Variants in AKT2 observed in about 807,000 individuals in gnomAD.
AKT2 encodes AKT serine/threonine kinase 2, also known as RAC-beta serine/threonine-protein kinase.
A neutral mutation model predicts 58.6 loss-of-function variants in AKT2; 16 were observed. The observed-to-expected ratio is 0.27, with a 90% CI of 0.18 to 0.41. The LOEUF is 0.41. AKT2 is among the 10% of genes least tolerant of loss of function. The probability of loss-of-function intolerance (pLI) is 1.00; values close to 1 mark genes in which losing one functional copy is unlikely to be tolerated. For missense variants in AKT2, 438 were observed against 661.0 expected (o/e 0.66, Z 3.70); for synonymous variants, 253 against 254.0 (o/e 1.00, Z 0.04).
In AKT2 at chr19:40,240,049, A is replaced by G. The variant is rs1175170174; in HGVS notation, c.635T>C (p.Leu212Pro). ...RVLQNTRHPF[L>P]TALKYAFQTH... ...GGGAAGGGGAGGGCAACTCACAGTG[A>G]GGAACGGGTGCCTGGTGTTCTGGAG... Residue 212 changes from leucine (L) to proline (P), a missense_variant, in exon 7 of 14, where the codon CTC becomes CCC. Transcript: ENST00000392038. 6.2e-7 allele frequency: 1 copy of G among 1,613,924 alleles called. No homozygotes were observed. Among genetic ancestry groups the G allele is most frequent in the Middle Eastern group, 1.6e-4 (1 of 6,062 alleles).
chr19:40,246,498 AT>A (rs1974761420), intron 4 of AKT2, among the ~76,000 whole-genome samples: 1 of 152,164 alleles, frequency 6.6e-6, no homozygotes, highest in African/African-American at 2.4e-5. Context: ...CTCTGAGTAA[AT>A]GATGGCGGAT....
rs1237025426 is a variant in AKT2 at position 40,230,680 on chromosome 19, T to C, written c.*3192A>G. ...CTCGGGTGAATTTCCTTTCTTATAC[T>C]CCTGCTTTGCTGTCTTTTTTAATAG... On this transcript the variant is annotated 3_prime_UTR_variant, in exon 14 of 14. Coordinates refer to ENST00000392038, the MANE Select transcript of AKT2 (RefSeq NM_001626.6). 1.4e-5 allele frequency: 3 copies of C among 220,504 alleles called. No individual in the cohort carries two copies. Among genetic ancestry groups the C allele is most frequent in the Non-Finnish European group, 2.7e-5 (3 of 110,212 alleles). 13.7% of individuals were successfully genotyped at this position (220,504 alleles called of 1,614,324 possible).
chr19:40,273,129 G>A (rs2077245963), intron 1 of AKT2, among the ~76,000 whole-genome samples: 1 of 152,096 alleles, frequency 6.6e-6, no homozygotes, highest in Non-Finnish European at 1.5e-5. Context: ...AAATCACAAG[G>A]TCAGGAGGTC....
At chr19:40,256,107 G>A (rs1439852119) in intron 3 of AKT2, among the ~76,000 whole-genome samples, 1 of 152,180 alleles carries the variant, frequency 6.6e-6, no homozygotes, top group African/African-American at 2.4e-5. Flanking sequence ...GAAGACACTT[G>A]GGGAGATGTG....
chr19:40,242,086 G>C lies in AKT2; in HGVS notation c.442-17C>G. On this transcript the variant is annotated splice_polypyrimidine_tract_variant and intron_variant, in intron 5 of 13. Coordinates refer to ENST00000392038, the MANE Select transcript of AKT2 (RefSeq NM_001626.6). This position sits in a 1 kb window ranked among gnomAD's most constrained non-coding sequence, Gnocchi z 4.3. ...ATTCATGGTCTGCCAGGGACAGGGA[G>C]AGTGGGGGCAGTCAGCGCCTGGCTC... is the stretch of plus-strand genomic sequence containing the variant. 1 of 1,614,140 alleles carries C rather than the reference G, an allele frequency of 6.2e-7. No individual in the cohort carries two copies. The highest frequency in any genetic ancestry group is 8.5e-7 in the Non-Finnish European group (1 of 1,180,024).
Position 40,242,210 on chromosome 19 carries a change from G to T in AKT2, c.442-141C>A. The T allele has an allele frequency of 8.0e-7, 1 of 1,256,784 alleles. No homozygotes were observed. Among genetic ancestry groups the T allele is most frequent in the Non-Finnish European group, 1.1e-6 (1 of 888,346 alleles). 77.9% of individuals were successfully genotyped at this position (1,256,784 alleles called of 1,614,324 possible). ...GGAGCAGGAAGGGAGGCTCTGGGCA[G>T]CAACTGTGTGTTCTGAAGCGGCCTT... On this transcript the variant is annotated intron_variant, in intron 5 of 13. Coordinates refer to ENST00000392038, the MANE Select transcript of AKT2 (RefSeq NM_001626.6). This position sits in a 1 kb window ranked among gnomAD's most constrained non-coding sequence, Gnocchi z 4.3.
At chr19:40,250,265 G>A (rs967837565) in intron 4 of AKT2, among the ~76,000 whole-genome samples, 1 of 152,088 alleles carries the variant, frequency 6.6e-6, no homozygotes, top group African/African-American at 2.4e-5. Flanking sequence ...CATTTTGGGA[G>A]GCCGAGGCGG....
intron 1 of AKT2, chr19:40,283,012 AC>A (rs2077451558): frequency 6.3e-6 from 1 of 159,082 alleles, no homozygotes; most frequent in African/African-American, 2.4e-5. Context: ...CACACTTCTA[AC>A]TAGCTCGTAG....
intron 1 of AKT2, chr19:40,279,287 A>C (rs892817365): frequency 6.6e-6 from 1 of 152,458 alleles, no homozygotes; most frequent in African/African-American, 2.4e-5. Flanking sequence ...GTCCTGCCCC[A>C]AGGGGGCCAG....
At chr19:40,282,889 G>A (rs1182781092) in intron 1 of AKT2, 2 of 184,200 alleles carry the variant, frequency 1.1e-5, no homozygotes, top group Non-Finnish European at 2.3e-5. Flanking sequence ...ACGATCTGAG[G>A]CCAAGGTTGG....
intron 9 of AKT2, chr19:40,236,997 G>C (rs1028493730): frequency 1.1e-5 from 2 of 177,644 alleles, no homozygotes; most frequent in Non-Finnish European, 2.4e-5. Flanking sequence ...TCCCCCACAA[G>C]AATTAACCTC....
intron 1 of AKT2, 199 bp downstream of exon 1, chr19:40,284,982 C>CCCGCCG (rs2077487821): frequency 2.7e-6 from 1 of 365,418 alleles, no homozygotes; most frequent in Non-Finnish European, 4.9e-6. Context: ...AGTGGTATGG[C>CCCGCCG]CCGCCGCCAC....
At chr19:40,253,669 T>A (rs146435134) in intron 4 of AKT2, among the ~76,000 whole-genome samples, 1 of 152,154 alleles carries the variant, frequency 6.6e-6, no homozygotes, top group African/African-American at 2.4e-5. Context: ...AAACTTATTT[T>A]CCCTGTGCCT....
At position 40,233,562 on chromosome 19, in the gene AKT2, C is replaced by G; in HGVS notation, c.*310G>C. The G allele has an allele frequency of 1.5e-6, 1 of 675,330 alleles. No individual in the cohort carries two copies. Among genetic ancestry groups the G allele is most frequent in the South Asian group, 1.4e-5 (1 of 72,890 alleles). The allele number at this position is 675,330 out of a possible 1,614,324, so 41.8% of individuals were successfully genotyped here. A position where few individuals can be genotyped will look rare whatever the true frequency, so the allele number is the denominator to read the frequency against. On this transcript the variant is annotated 3_prime_UTR_variant, in exon 14 of 14. Transcript: ENST00000392038. This position sits in a 1 kb window ranked among gnomAD's most constrained non-coding sequence, Gnocchi z 4.3. ...CAGAAACTCAGGCAGGCCCCAGGCGCCATGCTTCACCCCTCACTGGGGCTT... is the reference window on the plus strand; with the variant it reads ...CAGAAACTCAGGCAGGCCCCAGGCGGCATGCTTCACCCCTCACTGGGGCTT...
intron 2 of AKT2, among the ~76,000 whole-genome samples, chr19:40,260,606 G>A: frequency 8.8e-6 from 1 of 113,240 alleles, no homozygotes; most frequent in African/African-American, 3.6e-5. Context: ...CTCCAGCCTG[G>A]TGACAGAGTG....
Position 40,242,807 on chromosome 19 carries a change from G to C in AKT2, c.288-120C>G. The C allele has an allele frequency of 8.6e-7, 1 of 1,163,010 alleles. No individual in the cohort carries two copies. 72.0% of individuals were successfully genotyped at this position (1,163,010 alleles called of 1,614,324 possible). On this transcript the variant is annotated intron_variant, in intron 4 of 13. Coordinates refer to ENST00000392038, the MANE Select transcript of AKT2 (RefSeq NM_001626.6). This position sits in a 1 kb window ranked among gnomAD's most constrained non-coding sequence, Gnocchi z 4.3. ...GCAAGCAAATGACCACATAACCATG[G>C]GAATTTGGGCAAGATCTGTCAGAAC...
chr19:40,269,961 T>C (rs540966466), intron 1 of AKT2, among the ~76,000 whole-genome samples: 33 of 152,190 alleles, frequency 2.2e-4, no homozygotes, highest in Non-Finnish European at 2.9e-5. Flanking sequence ...CTACGCGGCC[T>C]GCAACATCCC....
chr19:40,242,335 C>T lies in AKT2; in HGVS notation c.441+199G>A. ...TCCCAGGACGAACCTGCAGTGGGTC[C>T]ACCCAAGGTTGCTCCCTCCCCTACG... On this transcript the variant is annotated intron_variant, in intron 5 of 13. Coordinates refer to ENST00000392038, the MANE Select transcript of AKT2 (RefSeq NM_001626.6). This position sits in a 1 kb window ranked among gnomAD's most constrained non-coding sequence, Gnocchi z 4.3. 1 of 935,558 alleles carries T rather than the reference C, an allele frequency of 1.1e-6. No individual in the cohort carries two copies. Among genetic ancestry groups the T allele is most frequent in the Non-Finnish European group, 1.6e-6 (1 of 606,890 alleles). 58.0% of individuals were successfully genotyped at this position (935,558 alleles called of 1,614,324 possible). A position where few individuals can be genotyped will look rare whatever the true frequency, so the allele number is the denominator to read the frequency against.
chr19:40,257,176 G>T, intron 2 of AKT2, 122 bp from the exon 3 acceptor site: 1 of 1,314,434 alleles, frequency 7.6e-7, no homozygotes, highest in Non-Finnish European at 1.1e-6. Context: ...GGGGAGGTGC[G>T]GGGGACACAC....
Sources: gnomAD v4.1 joint callset for allele counts (sites outside exome capture counted in the v4.1 genomes callset) on GRCh38, gnomAD v4.1.1 for gene constraint, Gnocchi (gnomAD v3.1) non-coding constraint, MANE v1.5 for transcripts, NCBI Gene and HGNC (gene_info 2026-07-23, HGNC 2026-07-21) for gene names.